Variants in PPP1R12B observed in about 807,000 individuals in gnomAD.
PPP1R12B encodes the protein myosin phosphatase target subunit 2.
In PPP1R12B, 76 loss-of-function variants were observed where a neutral mutation model predicts 126.1. The observed-to-expected ratio is 0.60, with a 90% CI of 0.50 to 0.73. The LOEUF (loss-of-function observed/expected upper bound fraction) is 0.73, where lower values mean the gene tolerates loss of function less well. Among genes scored for constraint, PPP1R12B ranks in the 30% least tolerant of loss-of-function variants. PPP1R12B has a pLI of 0.00. For missense variants in PPP1R12B, 1,052 were observed against 1,205.1 expected (o/e 0.87, Z 1.88); for synonymous variants, 356 against 434.7 (o/e 0.82, Z 2.25).
chr1:202,546,998 T>C (rs1685714689), intron 18 of PPP1R12B, among the ~76,000 whole-genome samples: 1 of 151,758 alleles, frequency 6.6e-6, no homozygotes, highest in Non-Finnish European at 1.5e-5. Flanking sequence ...TTCAAAGGTA[T>C]TGTGGTCAAA....
At chr1:202,411,198 C>T (rs1035429275) in intron 1 of PPP1R12B, among the ~76,000 whole-genome samples, 1 of 150,226 alleles carries the variant, frequency 6.7e-6, no homozygotes, top group African/African-American at 2.5e-5. Flanking sequence ...AGAAGATTTT[C>T]AGGGACTATA....
chr1:202,438,996 A>T (rs571788448), intron 10 of PPP1R12B: 1 of 1,477,218 alleles, frequency 6.8e-7, no homozygotes, highest in African/African-American at 1.4e-5. Context: ...GCCCTGGCCA[A>T]CCGGAAGCAG....
chr1:202,588,867 A>ATAGATAGC lies in PPP1R12B; in HGVS notation c.*8313_*8314insGCTAGATA, dbSNP rs1558412805. On this transcript the variant is annotated 3_prime_UTR_variant, in exon 24 of 24. Transcript: ENST00000608999. ...GATAGATAGATAGATAGATAGATAG[A>ATAGATAGC]TAGATATCAAGGTTCCAAGCTTCAA... 1 of 143,634 alleles carries ATAGATAGC rather than the reference A, an allele frequency of 7.0e-6. No individual in the cohort carries two copies. Among genetic ancestry groups the ATAGATAGC allele is most frequent in the East Asian group, 2.0e-4 (1 of 5,072 alleles). 8.9% of individuals were successfully genotyped at this position (143,634 alleles called of 1,614,324 possible).
At chr1:202,405,954 T>G (rs375521297) in intron 1 of PPP1R12B, among the ~76,000 whole-genome samples, 12 of 152,200 alleles carry the variant, frequency 7.9e-5, no homozygotes, top group Admixed American at 3.3e-4. Flanking sequence ...TTACGGATAA[T>G]ATTTGGTGTG....
At chr1:202,398,980 CAT>C (rs975193451) in intron 1 of PPP1R12B, among the ~76,000 whole-genome samples, 10 of 151,878 alleles carry the variant, frequency 6.6e-5, no homozygotes, top group African/African-American at 2.4e-4. Flanking sequence ...CACTACTAAA[CAT>C]ATATATATAT....
intron 18 of PPP1R12B, among the ~76,000 whole-genome samples, chr1:202,512,373 A>G (rs1431778274): frequency 6.6e-6 from 1 of 152,142 alleles, no homozygotes; most frequent in Non-Finnish European, 1.5e-5. Context: ...AAATATGAAA[A>G]CTCAGCAGGA....
intron 14 of PPP1R12B, among the ~76,000 whole-genome samples, chr1:202,489,138 C>T (rs1678540565): frequency 6.6e-6 from 1 of 152,186 alleles, no homozygotes; most frequent in Non-Finnish European, 1.5e-5. Context: ...CTACATAGAA[C>T]CAAATGAATT....
At chr1:202,567,257 C>T (rs1688134196) in intron 21 of PPP1R12B, among the ~76,000 whole-genome samples, 2 of 152,098 alleles carry the variant, frequency 1.3e-5, no homozygotes, top group Non-Finnish European at 2.9e-5. Flanking sequence ...AAAACTGCTG[C>T]TCTAAAAGAA....
chr1:202,549,926 A>G (rs1461963438), intron 18 of PPP1R12B, among the ~76,000 whole-genome samples: 1 of 152,124 alleles, frequency 6.6e-6, no homozygotes, highest in Non-Finnish European at 1.5e-5. Context: ...CTCCGCTCCT[A>G]TCCCATTTAG....
chr1:202,486,073 G>A (rs548394895), intron 13 of PPP1R12B, among the ~76,000 whole-genome samples: 61 of 152,212 alleles, frequency 4.0e-4, no homozygotes, highest in Non-Finnish European at 6.9e-4. Context: ...GAAGAGACGA[G>A]GTTTTGCCAT....
chr1:202,428,906 T>C lies in PPP1R12B; in HGVS notation c.898T>C (p.Leu300=), dbSNP rs2306841. The part of the protein sequence containing the change: ...ADEGLVEHLE[L]LQKKQNVLRS... ...TGAGGGTCTCGTGGAGCATTTGGAG[T>C]TGCTCCAGAAGAAGCAGAATGTGGT... The change falls in exon 6 of 24, where the codon TTG becomes CTG. Residue 300 remains leucine, a synonymous_variant. Transcript: ENST00000608999. 5.6e-6 allele frequency: 9 copies of C among 1,607,900 alleles called. No individual in the cohort carries two copies. In the East Asian group the frequency reaches 2.0e-4, roughly 36 times the overall value.
chr1:202,380,778 T>C (rs1253869226), intron 1 of PPP1R12B, among the ~76,000 whole-genome samples: 1 of 152,236 alleles, frequency 6.6e-6, no homozygotes, highest in African/African-American at 2.4e-5. Flanking sequence ...CAAATGATTG[T>C]GTATATGCCT....
chr1:202,549,420 CTT>C (rs1405753070), intron 18 of PPP1R12B, among the ~76,000 whole-genome samples: 8 of 140,020 alleles, frequency 5.7e-5, no homozygotes, highest in South Asian at 4.5e-4. Flanking sequence ...AATCAATTAC[CTT>C]TTTTTTTTTT....
chr1:202,361,982 A>G (rs1019787572), intron 1 of PPP1R12B, among the ~76,000 whole-genome samples: 1 of 151,826 alleles, frequency 6.6e-6, no homozygotes, highest in East Asian at 1.9e-4. Flanking sequence ...TGGCCCTTCT[A>G]ATTGAATGTG....
chr1:202,426,925 A>G, intron 4 of PPP1R12B, 115 bp from the exon 5 acceptor site: 5 of 1,404,976 alleles, frequency 3.6e-6, no homozygotes, highest in Non-Finnish European at 4.7e-6. Context: ...AGAAGTAATC[A>G]TAAGACCCCT....
rs931076608 is a variant in PPP1R12B, at chr1:202,565,303, C to T, written c.2757+756C>T. Among the ~76,000 whole-genome samples, 2 of 152,190 alleles carry T rather than the reference C, an allele frequency of 1.3e-5. No homozygotes were observed. The highest frequency in any genetic ancestry group is 2.9e-5 in the Non-Finnish European group (2 of 68,030). On this transcript the variant is annotated intron_variant, in intron 21 of 23. Transcript: ENST00000608999. The surrounding 1 kb of genome is among the most constrained non-coding windows in gnomAD (Gnocchi z 4.3). The stretch of plus-strand genomic sequence containing the variant: ...TCAGGAAACCTATTGAGTTATTTCC[C>T]TCCTAGAATGCCTGGGGACTTAGAA...
intron 18 of PPP1R12B, among the ~76,000 whole-genome samples, chr1:202,526,959 A>G (rs940856221): frequency 6.6e-6 from 1 of 152,142 alleles, no homozygotes; most frequent in African/African-American, 2.4e-5. Flanking sequence ...TGTAACCTTA[A>G]ATACATGTTT....
At chr1:202,429,829 G>T (rs1285495584) in intron 6 of PPP1R12B, among the ~76,000 whole-genome samples, 2 of 152,174 alleles carry the variant, frequency 1.3e-5, no homozygotes, top group African/African-American at 2.4e-5. Context: ...ATAGCTCAAT[G>T]ATGGGACAGA....
intron 18 of PPP1R12B, among the ~76,000 whole-genome samples, chr1:202,518,198 A>C (rs1324797927): frequency 6.6e-6 from 1 of 152,256 alleles, no homozygotes; most frequent in African/African-American, 2.4e-5. Flanking sequence ...GGTATGTTAT[A>C]TATAGGCAGC....
Sources: allele counts gnomAD v4.1 joint callset (sites outside exome capture counted in the v4.1 genomes callset), GRCh38; gene constraint gnomAD v4.1.1; non-coding constraint Gnocchi (gnomAD v3.1); transcripts MANE v1.5; gene names NCBI Gene and HGNC (gene_info 2026-07-23, HGNC 2026-07-21).